RADIL: variants seen among roughly 807,000 people sequenced by gnomAD.
RADIL encodes the protein ras-associating and dilute domain-containing protein.
RADIL carries 99 observed loss-of-function variants against 97.6 expected under a neutral mutation model. The observed-to-expected ratio is 1.01, with a 90% CI of 0.86 to 1.20. The LOEUF (loss-of-function observed/expected upper bound fraction) is 1.20, where lower values mean the gene tolerates loss of function less well. Ranked by LOEUF, RADIL falls within the 50% of genes most tolerant of loss-of-function variation. The pLI, the probability that RADIL is intolerant of heterozygous loss-of-function variation, is 0.00. For missense variants in RADIL, 1,765 were observed against 1,498.9 expected, an observed-to-expected ratio of 1.18 and a Z score of -2.93; for synonymous variants, 803 against 691.8, an observed-to-expected ratio of 1.16 and a Z score of -2.52.
Position 4,841,136 on chromosome 7 carries a change from T to G in RADIL, c.536-4531A>C, listed in dbSNP as rs183635983. Among the ~76,000 whole-genome samples, 578 of 152,312 alleles carry G rather than the reference T, an allele frequency of 3.8e-3. 3 individuals carry two copies. The highest frequency in any genetic ancestry group is 6.0e-3 in the Non-Finnish European group (408 of 68,030). On this transcript the variant is annotated intron_variant, in intron 2 of 14. Transcript: ENST00000399583. ...CCCTGCTGTGGGTGAAGGAGACACC[T>G]CCAGGCTGCAAGCCAGAATACGCCC...
intron 2 of RADIL, chr7:4,861,526 T>C (rs763444860): frequency 3.1e-6 from 5 of 1,613,908 alleles, no homozygotes; most frequent in Non-Finnish European, 4.2e-6. Flanking sequence ...AAATCTTTCC[T>C]CCAACGTTTT....
rs199916989 is a variant in RADIL at position 4,861,162 on chromosome 7, T to C, written c.535+16443A>G. On this transcript the variant is annotated intron_variant, in intron 2 of 14. Transcript: ENST00000399583. ...AGAGTCAGCCTGAAGTTGTCAATGTTTGGCACTAGATGTAAAATTTCATCG... is the reference window on the plus strand; with the variant it reads ...AGAGTCAGCCTGAAGTTGTCAATGTCTGGCACTAGATGTAAAATTTCATCG... 131 of 1,614,280 alleles carry C rather than the reference T, an allele frequency of 8.1e-5. 1 individual carries two copies. The South Asian group carries it at 8.5e-4, about 10-fold the overall frequency.
At chr7:4,862,753 C>T (rs1249441169) in intron 2 of RADIL, among the ~76,000 whole-genome samples, 4 of 151,872 alleles carry the variant, frequency 2.6e-5, no homozygotes, top group Admixed American at 1.3e-4. Flanking sequence ...CAAAATTAGC[C>T]GGGCGTGGTG....
At chr7:4,861,717 G>T in intron 2 of RADIL, 2 of 1,567,814 alleles carry the variant, frequency 1.3e-6, no homozygotes, top group Non-Finnish European at 1.7e-6. Context: ...GTCTCCTTGG[G>T]GACCGCTAGA....
chr7:4,878,229 G>A lies in RADIL; in HGVS notation c.-64-26C>T. 7.4e-7 allele frequency: 1 copy of A among 1,346,642 alleles called. No homozygotes were observed. The highest frequency in any genetic ancestry group is 9.9e-7 in the Non-Finnish European group (1 of 1,014,808). The allele number at this position is 1,346,642 out of a possible 1,614,324, so 83.4% of individuals were successfully genotyped here. ...CTGGGTGAAAAAGTGAGAGAGGTTAGCGCCAACCATCGTGACCACCAAGAG... is the reference window on the plus strand; with the variant it reads ...CTGGGTGAAAAAGTGAGAGAGGTTAACGCCAACCATCGTGACCACCAAGAG... On this transcript the variant is annotated intron_variant, in intron 1 of 14. Transcript: ENST00000399583. The surrounding 1 kb of genome is among the most constrained non-coding windows in gnomAD (Gnocchi z 4.1).
At position 4,878,064 on chromosome 7, in the gene RADIL, T is replaced by G; in HGVS notation, c.76A>C (p.Ser26Arg). ...KLKRQSQLLS[S>R]MLSRTLSYKY... is the part of the protein sequence containing the mutation. Reference sequence around the variant, plus strand: ...TAGCTCAGCGTCCGGGACAGCATGCTGGACAACAGCTGGCTCTGCCGCTTC... The same window carrying G: ...TAGCTCAGCGTCCGGGACAGCATGCGGGACAACAGCTGGCTCTGCCGCTTC... The change falls in exon 2 of 15, where the codon AGC becomes CGC. Residue 26 changes from serine to arginine, a missense_variant. Transcript: ENST00000399583. This position sits in a 1 kb window ranked among gnomAD's most constrained non-coding sequence, Gnocchi z 4.1. The G allele has an allele frequency of 6.2e-7, 1 of 1,600,474 alleles. No homozygotes were observed. Among genetic ancestry groups the G allele is most frequent in the African/African-American group, 1.3e-5 (1 of 74,420 alleles).
intron 2 of RADIL, chr7:4,861,549 G>A (rs1307564101): frequency 6.2e-7 from 1 of 1,613,980 alleles, no homozygotes; most frequent in Non-Finnish European, 8.5e-7. Context: ...ATTACAGACT[G>A]GGGAAGACTC....
chr7:4,827,624 G>A (rs905022246), intron 5 of RADIL, among the ~76,000 whole-genome samples: 5 of 152,186 alleles, frequency 3.3e-5, no homozygotes, highest in Non-Finnish European at 7.3e-5. Flanking sequence ...TCGTGCCACT[G>A]TACTCCAGCC....
intron 2 of RADIL, among the ~76,000 whole-genome samples, chr7:4,862,972 C>T (rs1048213798): frequency 3.3e-5 from 5 of 151,986 alleles, no homozygotes; most frequent in African/African-American, 9.7e-5. Context: ...CTATGATTCC[C>T]GAATCAGAAG....
At chr7:4,812,620 C>T (rs1782577426) in intron 9 of RADIL, among the ~76,000 whole-genome samples, 1 of 152,032 alleles carries the variant, frequency 6.6e-6, no homozygotes, top group African/African-American at 2.4e-5. Context: ...CGGGGTATTG[C>T]CATATTGGGC....
intron 12 of RADIL, among the ~76,000 whole-genome samples, chr7:4,800,891 G>C (rs1782060904): frequency 1.3e-5 from 2 of 152,192 alleles, no homozygotes; most frequent in Non-Finnish European, 2.9e-5. Context: ...GGGACACTCT[G>C]ACTCTGCACA....
intron 11 of RADIL, among the ~76,000 whole-genome samples, chr7:4,803,077 T>C (rs1227017965): frequency 1.7e-3 from 50 of 29,110 alleles, no homozygotes; most frequent in South Asian, 3.1e-3. Context: ...GCTGGCTGGG[T>C]CCCCTCCCCG....
In RADIL at chr7:4,817,059, TG is replaced by T. The variant is rs1323874071; in HGVS notation, c.1728+179del. Among the ~76,000 whole-genome samples, 1 of 151,958 alleles carries T rather than the reference TG, an allele frequency of 6.6e-6. No homozygotes were observed. Among genetic ancestry groups the T allele is most frequent in the African/African-American group, 2.4e-5 (1 of 41,334 alleles). On this transcript the variant is annotated intron_variant, in intron 7 of 14. Coordinates refer to ENST00000399583, the MANE Select transcript of RADIL (RefSeq NM_018059.5). This position sits in a 1 kb window ranked among gnomAD's most constrained non-coding sequence, Gnocchi z 8.3. ...TGTGCGACCTGAGGAGGAGCGGGTG[TG>T]GGGGGTGCAGCTGGGCCTGTGCAGA...
intron 2 of RADIL, chr7:4,862,128 C>CT (rs1393850120): frequency 3.1e-6 from 1 of 317,730 alleles, no homozygotes; most frequent in East Asian, 5.0e-5. Flanking sequence ...GCGCGGGGGG[C>CT]TATACATGGG....
intron 11 of RADIL, among the ~76,000 whole-genome samples, chr7:4,802,572 T>C (rs1562425428): frequency 7.9e-6 from 1 of 126,292 alleles, no homozygotes; most frequent in Non-Finnish European, 1.7e-5. Context: ...CCCGGGCACC[T>C]CGGGGCACTC....
In RADIL at chr7:4,880,265, G is replaced by C. The variant is rs1784457631; in HGVS notation, c.-64-2062C>G. Among the ~76,000 whole-genome samples, 2 of 152,168 alleles carry C rather than the reference G, an allele frequency of 1.3e-5. No homozygotes were observed. The highest frequency in any genetic ancestry group is 4.1e-4 in the South Asian group (2 of 4,828). On this transcript the variant is annotated intron_variant, in intron 1 of 14. Transcript: ENST00000399583. This position sits in a 1 kb window ranked among gnomAD's most constrained non-coding sequence, Gnocchi z 4.5. ...TTCCTCTGAGGAAGGTGCAACGAGTGGCCTTGTCAAATCCTAAGAAGCTCA... is the reference window on the plus strand; with the variant it reads ...TTCCTCTGAGGAAGGTGCAACGAGTCGCCTTGTCAAATCCTAAGAAGCTCA...
intron 2 of RADIL, among the ~76,000 whole-genome samples, chr7:4,852,223 A>T (rs1783726327): frequency 1.3e-5 from 2 of 152,170 alleles, no homozygotes; most frequent in South Asian, 4.1e-4. Flanking sequence ...TACAGACAGG[A>T]AGTGGCTGAT....
chr7:4,866,509 T>C (rs1244454863), intron 2 of RADIL, among the ~76,000 whole-genome samples: 1 of 152,220 alleles, frequency 6.6e-6, no homozygotes, highest in Non-Finnish European at 1.5e-5. Context: ...GAAAACCTGT[T>C]TCTTGAGTTT....
At chr7:4,806,115 A>G in intron 9 of RADIL, 42 of 915,324 alleles carry the variant, frequency 4.6e-5, no homozygotes, top group Non-Finnish European at 5.5e-5. Flanking sequence ...AGGGACATTC[A>G]TCATTTAGGT....
Sources: gnomAD v4.1 joint callset for allele counts (sites outside exome capture counted in the v4.1 genomes callset) on GRCh38, gnomAD v4.1.1 for gene constraint, Gnocchi (gnomAD v3.1) non-coding constraint, MANE v1.5 for transcripts, NCBI Gene and HGNC (gene_info 2026-07-23, HGNC 2026-07-21) for gene names.